Variants in UBA3 observed in about 807,000 individuals in gnomAD.
UBA3 encodes the protein ubiquitin like modifier activating enzyme 3.
UBA3 carries 26 observed loss-of-function variants against 73.5 expected under a neutral mutation model. That is an observed-to-expected ratio of 0.35 (90% CI 0.26 to 0.49). The LOEUF (loss-of-function observed/expected upper bound fraction) is 0.49. Among genes scored for constraint, UBA3 ranks in the 20% least tolerant of loss-of-function variants. The pLI is 0.98. For synonymous variants in UBA3, 217 were observed against 191.2 expected, an observed-to-expected ratio of 1.13 and a Z score of -1.11; for missense variants, 495 against 555.6, an observed-to-expected ratio of 0.89 and a Z score of 1.10.
intron 6 of UBA3, 66 bp downstream of exon 6, chr3:69,067,862 T>G: frequency 8.1e-7 from 1 of 1,240,340 alleles, no homozygotes; most frequent in Non-Finnish European, 1.2e-6. Flanking sequence ...CTCTGTTAAA[T>G]ATCTCTTATA....
chr3:69,057,337 G>A (rs765549779), intron 11 of UBA3, 28 bp from the exon 12 acceptor site: 1 of 1,581,826 alleles, frequency 6.3e-7, no homozygotes, highest in African/African-American at 1.4e-5. Context: ...TTAAAATATG[G>A]TCATTTCTTT....
rs1333473266 is a variant in UBA3 at position 69,055,395 on chromosome 3, G to C, written c.*42C>G. 7.8e-7 allele frequency: 1 copy of C among 1,285,568 alleles called. No homozygotes were observed. Among genetic ancestry groups the C allele is most frequent in the Non-Finnish European group, 1.0e-6 (1 of 953,256 alleles). 79.6% of individuals were successfully genotyped at this position (1,285,568 alleles called of 1,614,324 possible). The stretch of plus-strand genomic sequence containing the variant: ...GATTCAACTTCTTAGCATCCACAAA[G>C]TATATTATTTCCATGAGTTTTCTAT... On this transcript the variant is annotated 3_prime_UTR_variant, in exon 18 of 18. Transcript: ENST00000361055.
chr3:69,073,236 C>T (rs558314712), intron 4 of UBA3, among the ~76,000 whole-genome samples: 1 of 152,312 alleles, frequency 6.6e-6, no homozygotes, highest in Admixed American at 6.5e-5. Context: ...CTCCAAGCCC[C>T]TCCATCTCCC....
At chr3:69,070,090 G>A (rs6549182) in intron 5 of UBA3, among the ~76,000 whole-genome samples, 88,000 of 151,996 alleles carry the variant, frequency 0.58, 25,597 homozygotes, top group East Asian at 0.82. Flanking sequence ...GCTACATATC[G>A]TTATTACCAT....
intron 6 of UBA3, among the ~76,000 whole-genome samples, chr3:69,066,391 G>A (rs1174006146): frequency 6.6e-6 from 1 of 151,840 alleles, no homozygotes; most frequent in Non-Finnish European, 1.5e-5. Context: ...TTTTGACGTG[G>A]CCTAAGCACT....
intron 8 of UBA3, 30 bp from the exon 9 acceptor site, chr3:69,063,167 G>A: frequency 6.2e-7 from 1 of 1,610,748 alleles, no homozygotes; most frequent in Non-Finnish European, 8.5e-7. Context: ...GGCTTTAAAG[G>A]AGAAGGGGAT....
Position 69,062,543 on chromosome 3 carries a change from T to C in UBA3, c.694-364A>G, listed in dbSNP as rs999312896. Among the ~76,000 whole-genome samples, 4 of 152,220 alleles carry C rather than the reference T, an allele frequency of 2.6e-5. No homozygotes were observed. In the East Asian group the frequency reaches 5.8e-4, roughly 22 times the overall value. On this transcript the variant is annotated intron_variant, in intron 9 of 17. Coordinates refer to ENST00000361055, the MANE Select transcript of UBA3 (RefSeq NM_003968.4). ...AGTTCAGAGTTAAGTGAATCCCAAG[T>C]GAATACTCATAAAATTGTTTACATT...
chr3:69,062,764 A>C (rs1327309889), intron 9 of UBA3, among the ~76,000 whole-genome samples: 1 of 152,204 alleles, frequency 6.6e-6, no homozygotes, highest in African/African-American at 2.4e-5. Flanking sequence ...TAAAAAATAC[A>C]AATAAATTAT....
At position 69,061,049 on chromosome 3, in the gene UBA3, C is replaced by T. The variant is rs532146348; in HGVS notation, c.910+765G>A. ...TATAGCAAAGCAAAATGAACTAATA[C>T]AGGGTTAAAGGAACTAACTAGGGAG... On this transcript the variant is annotated intron_variant, in intron 11 of 17. Coordinates refer to ENST00000361055, the MANE Select transcript of UBA3 (RefSeq NM_003968.4). 1.2e-4 allele frequency among the ~76,000 whole-genome samples: 19 copies of T among 152,256 alleles called. 1 individual carries two copies. The South Asian group carries it at 2.7e-3, about 22-fold the overall frequency.
At chr3:69,079,886 C>G in intron 2 of UBA3, 1 of 516,654 alleles carries the variant, frequency 1.9e-6, no homozygotes, top group Non-Finnish European at 3.4e-6. Flanking sequence ...CCTGCAGGAG[C>G]TGGGGCAGTA....
At chr3:69,062,328 T>C (rs1319560920) in intron 9 of UBA3, 149 bp from the exon 10 acceptor site, 7 of 615,996 alleles carry the variant, frequency 1.1e-5, no homozygotes, top group Non-Finnish European at 2.0e-5. Flanking sequence ...CAAACTATAA[T>C]ACAGATTAAC....
Position 69,075,592 on chromosome 3 carries a change from T to C in UBA3, c.184-82A>G, listed in dbSNP as rs1035156947. 4 of 768,636 alleles carry C rather than the reference T, an allele frequency of 5.2e-6. No homozygotes were observed. In the African/African-American group the frequency reaches 7.3e-5, roughly 14 times the overall value. 47.6% of individuals were successfully genotyped at this position (768,636 alleles called of 1,614,324 possible). A position where few individuals can be genotyped will look rare whatever the true frequency, so the allele number is the denominator to read the frequency against. On this transcript the variant is annotated intron_variant, in intron 3 of 17. Coordinates refer to ENST00000361055, the MANE Select transcript of UBA3 (RefSeq NM_003968.4). ...TAAAGCAACAAACTTTAAAATAGTT[T>C]CTGATGTTTCCAGGAAAAAATGCCA... is the stretch of plus-strand genomic sequence containing the variant.
chr3:69,067,737 A>G (rs2092085700), intron 6 of UBA3, among the ~76,000 whole-genome samples, 191 bp downstream of exon 6: 2 of 152,214 alleles, frequency 1.3e-5, no homozygotes, highest in African/African-American at 4.8e-5. Context: ...CCCAAAAAAT[A>G]TTTATATAAC....
chr3:69,062,026 G>GA (rs1395593610), intron 10 of UBA3, 51 bp downstream of exon 10: 9 of 1,450,366 alleles, frequency 6.2e-6, no homozygotes, highest in Non-Finnish European at 7.6e-6. Flanking sequence ...GAATAATATA[G>GA]AAAAAATATG....
chr3:69,075,534 TA>T, intron 3 of UBA3, 24 bp from the exon 4 acceptor site: 1 of 1,465,788 alleles, frequency 6.8e-7, no homozygotes, highest in East Asian at 2.5e-5. Context: ...AAAGGCATAT[TA>T]AAAGCTGGGT....
Position 69,055,335 on chromosome 3 carries a change from C to G in UBA3, c.*102G>C. On this transcript the variant is annotated 3_prime_UTR_variant, in exon 18 of 18. Coordinates refer to ENST00000361055, the MANE Select transcript of UBA3 (RefSeq NM_003968.4). ...GAGTGGTTCATTATATAAAAAAAGA[C>G]AAATCGTGGCAACACTATTGCTAAA... The G allele has an allele frequency of 1.4e-6, 1 of 712,478 alleles. No individual in the cohort carries two copies. Among genetic ancestry groups the G allele is most frequent in the East Asian group, 3.2e-5 (1 of 30,916 alleles). 44.1% of individuals were successfully genotyped at this position (712,478 alleles called of 1,614,324 possible).
chr3:69,068,579 T>G (rs2092094154), intron 5 of UBA3, among the ~76,000 whole-genome samples: 1 of 151,858 alleles, frequency 6.6e-6, no homozygotes, highest in Non-Finnish European at 1.5e-5. Flanking sequence ...TAACCACGTT[T>G]TTTTCTTTTT....
intron 5 of UBA3, chr3:69,071,026 C>G (rs2092118567): frequency 6.4e-6 from 1 of 156,048 alleles, no homozygotes; most frequent in Admixed American, 6.5e-5. Flanking sequence ...GTAACCATCC[C>G]TCTTTGTTCC....
At chr3:69,059,922 T>C (rs1342258034) in intron 11 of UBA3, among the ~76,000 whole-genome samples, 1 of 152,176 alleles carries the variant, frequency 6.6e-6, no homozygotes, top group African/African-American at 2.4e-5. Context: ...ATGACTAACT[T>C]AGCAACTCAG....
Sources: allele counts gnomAD v4.1 joint callset (sites outside exome capture counted in the v4.1 genomes callset), GRCh38; gene constraint gnomAD v4.1.1; transcripts MANE v1.5; gene names NCBI Gene and HGNC (gene_info 2026-07-23, HGNC 2026-07-21).